The following NAMPT variants were observed in gnomAD, a reference collection of about 807,000 sequenced individuals.
NAMPT encodes the protein NAmPRTase.
A neutral mutation model predicts 58.7 loss-of-function variants in NAMPT; 7 were observed. That is an observed-to-expected ratio of 0.12 (90% CI 0.07 to 0.22). The LOEUF is 0.22. NAMPT is among the 10% of genes least tolerant of loss of function. The pLI is 1.00. For missense variants in NAMPT, 271 were observed against 567.9 expected, an observed-to-expected ratio of 0.48 and a Z score of 5.31; for synonymous variants, 145 against 198.1, an observed-to-expected ratio of 0.73 and a Z score of 2.25.
chr7:106,260,965 G>C (rs893196509), intron 8 of NAMPT, among the ~76,000 whole-genome samples: 8 of 152,142 alleles, frequency 5.3e-5, no homozygotes, highest in Non-Finnish European at 1.0e-4. Context: ...GAAATATTGT[G>C]AGAATTTACC....
rs1792093769 is a variant in NAMPT at position 106,250,864 on chromosome 7, G to A, written c.*219C>T. Reference sequence around the variant, plus strand: ...TTGAATGACTACCTATTGGCAAAGGGCCCTAAAAAGCTTACTTTAGCACTC... The same window carrying A: ...TTGAATGACTACCTATTGGCAAAGGACCCTAAAAAGCTTACTTTAGCACTC... On this transcript the variant is annotated 3_prime_UTR_variant, in exon 11 of 11. Coordinates refer to ENST00000222553, the MANE Select transcript of NAMPT (RefSeq NM_005746.3). 2.0e-6 allele frequency: 1 copy of A among 507,456 alleles called. No individual in the cohort carries two copies. The highest frequency in any genetic ancestry group is 2.0e-5 in the African/African-American group (1 of 49,706). The allele number at this position is 507,456 out of a possible 1,614,324, so 31.4% of individuals were successfully genotyped here. A position where few individuals can be genotyped will look rare whatever the true frequency, so the allele number is the denominator to read the frequency against.
chr7:106,254,565 AT>A, intron 8 of NAMPT, 61 bp from the exon 9 acceptor site: 2 of 1,539,348 alleles, frequency 1.3e-6, no homozygotes, highest in East Asian at 4.5e-5. Flanking sequence ...AATGGAGATT[AT>A]TTTCAAGGGA....
intron 10 of NAMPT, 126 bp downstream of exon 10, chr7:106,252,891 G>T: frequency 8.3e-7 from 1 of 1,206,060 alleles, no homozygotes; most frequent in Non-Finnish European, 1.1e-6. Flanking sequence ...TCAGCAATTG[G>T]ACATTTTATA....
At chr7:106,279,023 C>A (rs1327265386) in intron 1 of NAMPT, among the ~76,000 whole-genome samples, 1 of 152,144 alleles carries the variant, frequency 6.6e-6, no homozygotes, top group Non-Finnish European at 1.5e-5. Context: ...ATGGAAATGT[C>A]TCTAAGCTAT....
chr7:106,266,892 C>T (rs151035492), intron 6 of NAMPT, among the ~76,000 whole-genome samples: 2,382 of 152,268 alleles, frequency 0.016, 62 homozygotes, highest in African/African-American at 0.054. Context: ...ATGATGTGCA[C>T]ATAGTTAACA....
rs755728641 is a variant in NAMPT at position 106,261,584 on chromosome 7, A to C, written c.1089+4T>G. On this transcript the variant is annotated splice_donor_region_variant and intron_variant, in intron 8 of 10. Coordinates refer to ENST00000222553, the MANE Select transcript of NAMPT (RefSeq NM_005746.3). ...TATTGAAACTTTTAATATAAAACAC[A>C]TACCTCTTGTAAGGTATTAATATCT... The C allele has an allele frequency of 6.4e-7, 1 of 1,556,402 alleles. No individual in the cohort carries two copies. Among genetic ancestry groups the C allele is most frequent in the Non-Finnish European group, 8.8e-7 (1 of 1,135,804 alleles).
chr7:106,257,158 AG>A (rs1792215946), intron 8 of NAMPT, among the ~76,000 whole-genome samples: 1 of 151,718 alleles, frequency 6.6e-6, no homozygotes. Flanking sequence ...AAAAAAAAAG[AG>A]AAAAAGATAT....
chr7:106,264,724 A>C (rs1376843480), intron 6 of NAMPT, among the ~76,000 whole-genome samples: 1 of 152,050 alleles, frequency 6.6e-6, no homozygotes, highest in Non-Finnish European at 1.5e-5. Context: ...CATTCTCCCT[A>C]ATTTTCTAGT....
intron 6 of NAMPT, among the ~76,000 whole-genome samples, chr7:106,267,305 G>A (rs879542779): frequency 1.3e-5 from 2 of 152,074 alleles, no homozygotes; most frequent in Non-Finnish European, 2.9e-5. Flanking sequence ...CTGAGAATAG[G>A]GTCAGTTTTT....
intron 6 of NAMPT, among the ~76,000 whole-genome samples, chr7:106,263,819 TTAAG>T (rs1311681446): frequency 6.6e-6 from 1 of 152,062 alleles, no homozygotes; most frequent in Non-Finnish European, 1.5e-5. Context: ...TTTTAACGCT[TTAAG>T]TAGCCTTACT....
intron 8 of NAMPT, among the ~76,000 whole-genome samples, chr7:106,256,926 A>G (rs1792211510): frequency 6.6e-6 from 1 of 152,198 alleles, no homozygotes; most frequent in Admixed American, 6.5e-5. Context: ...CTGTAATCCC[A>G]GCACTTTGGG....
chr7:106,249,203 T>C lies in NAMPT; in HGVS notation c.*1880A>G, dbSNP rs537312951. 1.3e-5 allele frequency: 2 copies of C among 152,632 alleles called. No homozygotes were observed. The highest frequency in any genetic ancestry group is 4.1e-4 in the South Asian group (2 of 4,832). 9.5% of individuals were successfully genotyped at this position (152,632 alleles called of 1,614,324 possible). ...AAAAAATCATTTTAAAATTATTTTA[T>C]ATCATGGATTACAGAAGACTTACTA... On this transcript the variant is annotated 3_prime_UTR_variant, in exon 11 of 11. Coordinates refer to ENST00000222553, the MANE Select transcript of NAMPT (RefSeq NM_005746.3).
intron 6 of NAMPT, among the ~76,000 whole-genome samples, chr7:106,266,136 T>C (rs936423541): frequency 6.6e-6 from 1 of 152,326 alleles, no homozygotes; most frequent in South Asian, 2.1e-4. Context: ...TTCCCAACTT[T>C]CAGTCCAATC....
chr7:106,267,078 T>G lies in NAMPT; in HGVS notation c.743+1386A>C, dbSNP rs957460087. Among the ~76,000 whole-genome samples the G allele has an allele frequency of 5.9e-5, 9 of 152,352 alleles. No individual in the cohort carries two copies. The East Asian group carries it at 1.3e-3, about 23-fold the overall frequency. On this transcript the variant is annotated intron_variant, in intron 6 of 10. Transcript: ENST00000222553. The stretch of plus-strand genomic sequence containing the variant: ...AGATAAGCATGCAATAAATATTTAC[T>G]CAGAGAATGAATAAGTGCCCAATGT...
rs1792073753 is a variant in NAMPT at position 106,249,588 on chromosome 7, G to C, written c.*1495C>G. 1 of 152,048 alleles carries C rather than the reference G, an allele frequency of 6.6e-6. No homozygotes were observed. The highest frequency in any genetic ancestry group is 2.4e-5 in the African/African-American group (1 of 41,422). 9.4% of individuals were successfully genotyped at this position (152,048 alleles called of 1,614,324 possible). ...AAGGCACACTCCTTTTCTTAGAACA[G>C]AGATCAGGAAACTTTTTGTGTAATT... is the stretch of plus-strand genomic sequence containing the variant. On this transcript the variant is annotated 3_prime_UTR_variant, in exon 11 of 11. Transcript: ENST00000222553.
At chr7:106,268,662 G>A in intron 5 of NAMPT, 62 bp from the exon 6 acceptor site, 1 of 1,184,200 alleles carries the variant, frequency 8.4e-7, no homozygotes. Flanking sequence ...ATAATACCAG[G>A]ATGCAGCCAA....
chr7:106,285,108 G>A (rs1190085587), upstream of NAMPT: 10 of 1,341,654 alleles, frequency 7.5e-6, no homozygotes, highest in Non-Finnish European at 9.6e-6. Context: ...TCGCAGTCTG[G>A]GAGCTCTGGC....
At position 106,249,830 on chromosome 7, in the gene NAMPT, G is replaced by C. The variant is rs1360478708; in HGVS notation, c.*1253C>G. Reference sequence around the variant, plus strand: ...ATAAAAGAATCATTCGAAAGAAACTGGTCTCTAGTCAGATGTGATGTATGA... The same window carrying C: ...ATAAAAGAATCATTCGAAAGAAACTCGTCTCTAGTCAGATGTGATGTATGA... On this transcript the variant is annotated 3_prime_UTR_variant, in exon 11 of 11. Transcript: ENST00000222553. 1 of 151,880 alleles carries C rather than the reference G, an allele frequency of 6.6e-6. No individual in the cohort carries two copies. Among genetic ancestry groups the C allele is most frequent in the African/African-American group, 2.4e-5 (1 of 41,364 alleles). The allele number at this position is 151,880 out of a possible 1,614,324, so 9.4% of individuals were successfully genotyped here. A position where few individuals can be genotyped will look rare whatever the true frequency, so the allele number is the denominator to read the frequency against.
In NAMPT at chr7:106,284,928, G is replaced by T. The variant is rs556026884; in HGVS notation, c.-44C>A. ...GGCCGCGCGCCGCGAGCTCCCTGGC[G>T]CGGCTGCGAGGAAGGAGAAAAATGA... On this transcript the variant is annotated 5_prime_UTR_variant, in exon 1 of 11. Transcript: ENST00000222553. 17 of 1,562,928 alleles carry T rather than the reference G, an allele frequency of 1.1e-5. No homozygotes were observed. In the South Asian group the frequency reaches 1.6e-4, roughly 15 times the overall value.
Sources: allele counts gnomAD v4.1 joint callset (sites outside exome capture counted in the v4.1 genomes callset), GRCh38; gene constraint gnomAD v4.1.1; transcripts MANE v1.5; gene names NCBI Gene and HGNC (gene_info 2026-07-23, HGNC 2026-07-21).